Variants in UBE2F observed in about 807,000 individuals in gnomAD.
The protein encoded by UBE2F is ubiquitin conjugating enzyme E2 F (putative).
In UBE2F, 5 loss-of-function variants were observed where a neutral mutation model predicts 29.6. The ratio of observed to expected loss-of-function variants is 0.17; its 90% CI spans 0.09 to 0.36. UBE2F has a LOEUF of 0.36. Ranked by LOEUF, UBE2F falls within the 10% of genes least tolerant of loss-of-function variation. The pLI is 1.00. For synonymous variants in UBE2F, 66 were observed against 81.8 expected (o/e 0.81, Z 1.04); for missense variants, 141 against 228.5 (o/e 0.62, Z 2.47).
intron 1 of UBE2F, among the ~76,000 whole-genome samples, chr2:237,970,083 T>C (rs548300347): frequency 6.6e-6 from 1 of 152,298 alleles, no homozygotes; most frequent in South Asian, 2.1e-4. Flanking sequence ...AAACATTTCC[T>C]GCCCGGCATG....
chr2:238,032,073 G>A, intron 7 of UBE2F, 149 bp from the exon 8 acceptor site: 1 of 634,504 alleles, frequency 1.6e-6, no homozygotes, highest in Middle Eastern at 2.7e-4. Flanking sequence ...CACTTGAAGA[G>A]AAGTTATTTT....
chr2:237,991,051 G>C lies in UBE2F; in HGVS notation c.148+3059G>C, dbSNP rs1032961373. Among the ~76,000 whole-genome samples, 11 of 152,232 alleles carry C rather than the reference G, an allele frequency of 7.2e-5. No individual in the cohort carries two copies. The South Asian group carries it at 2.3e-3, about 32-fold the overall frequency. ...TACTTTAAAAACAAGAAAATTTTAT[G>C]ACTGGCTTTCAAATCAGGATTGTAA... On this transcript the variant is annotated intron_variant, in intron 3 of 9. Transcript: ENST00000272930.
At chr2:238,001,240 T>C (rs1362568180) in intron 4 of UBE2F, among the ~76,000 whole-genome samples, 2 of 151,672 alleles carry the variant, frequency 1.3e-5, no homozygotes, top group African/African-American at 4.8e-5. Flanking sequence ...TCCATGTTGG[T>C]CAGGCTGGTC....
chr2:237,993,490 A>G (rs1018833933), intron 3 of UBE2F, among the ~76,000 whole-genome samples: 2 of 152,158 alleles, frequency 1.3e-5, no homozygotes, highest in African/African-American at 2.4e-5. Flanking sequence ...AGGTGAGTGG[A>G]TCACTTGAGC....
At chr2:238,030,500 C>T (rs532903665) in intron 6 of UBE2F, 56 bp from the exon 7 acceptor site, 23 of 1,308,232 alleles carry the variant, frequency 1.8e-5, no homozygotes, top group Admixed American at 1.7e-5. Flanking sequence ...TAGTTGGCAG[C>T]GTGCAGGGCA....
intron 4 of UBE2F, among the ~76,000 whole-genome samples, chr2:238,008,022 C>T (rs901686960): frequency 1.3e-5 from 2 of 152,088 alleles, no homozygotes; most frequent in Non-Finnish European, 2.9e-5. Context: ...GGCACGATCA[C>T]GCCTCACTGC....
intron 8 of UBE2F, among the ~76,000 whole-genome samples, chr2:238,034,181 T>C (rs1424926721): frequency 6.6e-6 from 1 of 151,980 alleles, no homozygotes; most frequent in Admixed American, 6.6e-5. Context: ...TCCCAGCACT[T>C]TAGGAGGCGC....
intron 5 of UBE2F, among the ~76,000 whole-genome samples, chr2:238,023,023 A>AAC (rs2064332350): frequency 6.6e-6 from 1 of 152,222 alleles, no homozygotes; most frequent in South Asian, 2.1e-4. Flanking sequence ...GAATACCCGC[A>AAC]AGCCTTTGGG....
intron 9 of UBE2F, among the ~76,000 whole-genome samples, chr2:238,041,078 A>G (rs2064828491): frequency 6.6e-6 from 1 of 152,004 alleles, no homozygotes; most frequent in Admixed American, 6.6e-5. Flanking sequence ...CTCCCCCCTC[A>G]ACATACCCAG....
chr2:238,019,654 CTTTTTTTTTT>C (rs375103007), intron 5 of UBE2F, among the ~76,000 whole-genome samples: 2 of 78,012 alleles, frequency 2.6e-5, no homozygotes, highest in Non-Finnish European at 4.5e-5. Flanking sequence ...TGTGCTCAGC[CTTTTTTTTTT>C]TTTTTTTTTA....
In UBE2F at chr2:238,040,642, G is replaced by T. The variant is rs992562611; in HGVS notation, c.508-646G>T. 2.5e-4 allele frequency among the ~76,000 whole-genome samples: 38 copies of T among 152,150 alleles called. No individual in the cohort carries two copies. Among genetic ancestry groups the T allele is most frequent in the Admixed American group, 1.3e-4 (2 of 15,280 alleles). Reference sequence around the variant, plus strand: ...GGAGACCAGATCCAGGGACAAACCTGACAGTGGCCCAGATCCGAGAAGATT... The same window carrying T: ...GGAGACCAGATCCAGGGACAAACCTTACAGTGGCCCAGATCCGAGAAGATT... On this transcript the variant is annotated intron_variant, in intron 9 of 9. Transcript: ENST00000272930. The surrounding 1 kb of genome is among the most constrained non-coding windows in gnomAD (Gnocchi z 4.4).
intron 9 of UBE2F, among the ~76,000 whole-genome samples, chr2:238,038,972 C>T (rs7567546): frequency 0.09 from 13,753 of 152,300 alleles, 954 homozygotes; most frequent in African/African-American, 0.2. Flanking sequence ...CCGTGGCTCA[C>T]GCCTGTAATC....
intron 3 of UBE2F, 122 bp from the exon 4 acceptor site, chr2:237,994,622 A>G (rs1250058581): frequency 4.1e-6 from 3 of 723,694 alleles, no homozygotes; most frequent in Non-Finnish European, 7.1e-6. Context: ...AGATCTACCA[A>G]CTTTCCATAA....
intron 8 of UBE2F, chr2:238,032,635 C>G (rs180920044): frequency 1.1e-4 from 19 of 177,132 alleles, no homozygotes; most frequent in African/African-American, 4.1e-4. Context: ...CACAAAAACC[C>G]CCCAAAAACA....
At chr2:238,025,475 T>A in intron 6 of UBE2F, 63 bp downstream of exon 6, 1 of 1,427,558 alleles carries the variant, frequency 7.0e-7, no homozygotes. Flanking sequence ...GTTGGGCTTT[T>A]AAACATGTTG....
chr2:238,012,926 A>G (rs959974689), intron 4 of UBE2F, among the ~76,000 whole-genome samples: 5 of 152,190 alleles, frequency 3.3e-5, no homozygotes, highest in Non-Finnish European at 2.9e-5. Flanking sequence ...TGAACCCAAG[A>G]CACTCCAGCG....
intron 4 of UBE2F, among the ~76,000 whole-genome samples, chr2:237,999,845 G>A (rs967540118): frequency 1.2e-4 from 15 of 125,372 alleles, no homozygotes; most frequent in Admixed American, 3.3e-4. Flanking sequence ...TTTTTTTTGA[G>A]ACGGAGTCTC....
chr2:237,992,364 A>G (rs2106349511), intron 3 of UBE2F, among the ~76,000 whole-genome samples: 1 of 152,328 alleles, frequency 6.6e-6, no homozygotes, highest in South Asian at 2.1e-4. Flanking sequence ...TTATCTTTGC[A>G]AGTTAAGATT....
intron 5 of UBE2F, among the ~76,000 whole-genome samples, chr2:238,018,487 A>G (rs940950992): frequency 1.3e-5 from 2 of 152,180 alleles, no homozygotes; most frequent in East Asian, 1.9e-4. Flanking sequence ...AGGAATGGGC[A>G]TGATTGAGAG....
Sources: gnomAD v4.1 joint callset for allele counts (sites outside exome capture counted in the v4.1 genomes callset) on GRCh38, gnomAD v4.1.1 for gene constraint, Gnocchi (gnomAD v3.1) non-coding constraint, MANE v1.5 for transcripts, NCBI Gene and HGNC (gene_info 2026-07-23, HGNC 2026-07-21) for gene names.